NFIX: variants seen among roughly 807,000 people sequenced by gnomAD.
The protein encoded by NFIX is nuclear factor 1 X-type.
A neutral mutation model predicts 53.3 loss-of-function variants in NFIX; 2 were observed. The observed-to-expected ratio is 0.04, with a 90% CI of 0.02 to 0.12. The LOEUF is 0.12. NFIX is among the 10% of genes least tolerant of loss of function. The pLI, the probability that NFIX is intolerant of heterozygous loss-of-function variation, is 1.00. For missense variants in NFIX, 310 were observed against 674.5 expected, an observed-to-expected ratio of 0.46 and a Z score of 5.99; for synonymous variants, 244 against 289.0, an observed-to-expected ratio of 0.84 and a Z score of 1.58.
intron 8 of NFIX, among the ~76,000 whole-genome samples, chr19:13,083,646 C>G (rs2017603250): frequency 6.6e-6 from 1 of 152,172 alleles, no homozygotes; most frequent in Non-Finnish European, 1.5e-5. Flanking sequence ...ACACCGCAAA[C>G]AGGCACCTTG....
rs1474278823 is a variant in NFIX at position 13,014,169 on chromosome 19, G to A, written c.28-10852G>A. Reference sequence around the variant, plus strand: ...GGCGGAAAGCGCGCTTTTCGGCAGAGCTGGTTAGTTTTTAATGCGGGCTTT... The same window carrying A: ...GGCGGAAAGCGCGCTTTTCGGCAGAACTGGTTAGTTTTTAATGCGGGCTTT... On this transcript the variant is annotated intron_variant, in intron 1 of 10. Coordinates refer to ENST00000592199, the MANE Select transcript of NFIX (RefSeq NM_001365902.3). This position sits in a 1 kb window ranked among gnomAD's most constrained non-coding sequence, Gnocchi z 4.4. 6.6e-6 allele frequency: 1 copy of A among 152,192 alleles called. No individual in the cohort carries two copies. Among genetic ancestry groups the A allele is most frequent in the Non-Finnish European group, 1.5e-5 (1 of 68,046 alleles). 9.4% of individuals were successfully genotyped at this position (152,192 alleles called of 1,614,324 possible). A position where few individuals can be genotyped will look rare whatever the true frequency, so the allele number is the denominator to read the frequency against.
rs1198871470 is a variant in NFIX, at chr19:13,036,486, C to T, written c.559+10934C>T. On this transcript the variant is annotated intron_variant, in intron 2 of 10. Transcript: ENST00000592199. This position sits in a 1 kb window ranked among gnomAD's most constrained non-coding sequence, Gnocchi z 4.7. ...GTCTGCCAGTCTGGAGAAGGCTGCT[C>T]TCCAGACAGCTGAGAGTAGGGTGAC... Among the ~76,000 whole-genome samples the T allele has an allele frequency of 1.3e-5, 2 of 152,080 alleles. No homozygotes were observed. The highest frequency in any genetic ancestry group is 2.9e-5 in the Non-Finnish European group (2 of 68,024).
rs148891388 is a variant in NFIX at position 13,083,280 on chromosome 19, C to T, written c.1254+1425C>T. Among the ~76,000 whole-genome samples, 535 of 152,298 alleles carry T rather than the reference C, an allele frequency of 3.5e-3. 2 individuals are homozygous for T. The highest frequency in any genetic ancestry group is 0.017 in the Middle Eastern group (5 of 294). On this transcript the variant is annotated intron_variant, in intron 8 of 10. Coordinates refer to ENST00000592199, the MANE Select transcript of NFIX (RefSeq NM_001365902.3). The stretch of plus-strand genomic sequence containing the variant: ...AGCCTATGCCCAGCCCCCAAGGGGC[C>T]TGGGGTCTGGGATATGCCGCAGAGA...
At position 13,022,716 on chromosome 19, in the gene NFIX, C is replaced by T. The variant is rs927672441; in HGVS notation, c.28-2305C>T. Among the ~76,000 whole-genome samples the T allele has an allele frequency of 4.6e-5, 7 of 152,112 alleles. No individual in the cohort carries two copies. Among genetic ancestry groups the T allele is most frequent in the African/African-American group, 1.2e-4 (5 of 41,424 alleles). The stretch of plus-strand genomic sequence containing the variant: ...CTTCCCCAAGGCCTTCTGGGGCTCC[C>T]GCCCGCCAGCCCGCCGGGAGTCAGG... On this transcript the variant is annotated intron_variant, in intron 1 of 10. Coordinates refer to ENST00000592199, the MANE Select transcript of NFIX (RefSeq NM_001365902.3). The surrounding 1 kb of genome is among the most constrained non-coding windows in gnomAD (Gnocchi z 4.5).
At position 13,002,642 on chromosome 19, in the gene NFIX, G is replaced by A. The variant is rs544883778; in HGVS notation, c.27+6778G>A. Among the ~76,000 whole-genome samples, 10 of 152,316 alleles carry A rather than the reference G, an allele frequency of 6.6e-5. No individual in the cohort carries two copies. Among genetic ancestry groups the A allele is most frequent in the South Asian group, 4.1e-4 (2 of 4,830 alleles). On this transcript the variant is annotated intron_variant, in intron 1 of 10. Coordinates refer to ENST00000592199, the MANE Select transcript of NFIX (RefSeq NM_001365902.3). This position sits in a 1 kb window ranked among gnomAD's most constrained non-coding sequence, Gnocchi z 6.1. ...TGGGGCTGGCAGGCCTCTGTGAGGCGCAGCTGTGCCCAGAACTCCAAGTTG... is the reference window on the plus strand; with the variant it reads ...TGGGGCTGGCAGGCCTCTGTGAGGCACAGCTGTGCCCAGAACTCCAAGTTG...
Position 13,060,025 on chromosome 19 carries a change from C to T in NFIX, c.560-13022C>T, listed in dbSNP as rs1568302936. On this transcript the variant is annotated intron_variant, in intron 2 of 10. Coordinates refer to ENST00000592199, the MANE Select transcript of NFIX (RefSeq NM_001365902.3). This position sits in a 1 kb window ranked among gnomAD's most constrained non-coding sequence, Gnocchi z 4.3. ...GTGGTCTCGAACTCCTGAGCTCAGGCGATCCACTCGCCTCAGCCTCTCAAA... is the reference window on the plus strand; with the variant it reads ...GTGGTCTCGAACTCCTGAGCTCAGGTGATCCACTCGCCTCAGCCTCTCAAA... Among the ~76,000 whole-genome samples the T allele has an allele frequency of 6.6e-6, 1 of 152,010 alleles. No homozygotes were observed. The highest frequency in any genetic ancestry group is 1.9e-4 in the East Asian group (1 of 5,182).
In NFIX at chr19:13,081,962, G is replaced by T; in HGVS notation, c.1254+107G>T. On this transcript the variant is annotated intron_variant, in intron 8 of 10. Coordinates refer to ENST00000592199, the MANE Select transcript of NFIX (RefSeq NM_001365902.3). This position sits in a 1 kb window ranked among gnomAD's most constrained non-coding sequence, Gnocchi z 4.7. ...GCCCAAAAGCCAGGAGCCCACCTGG[G>T]GCTGGAGCAGCAGGGAGCTGGTAGT... 7.4e-7 allele frequency: 1 copy of T among 1,351,526 alleles called. No homozygotes were observed. Among genetic ancestry groups the T allele is most frequent in the Non-Finnish European group, 1.0e-6 (1 of 978,374 alleles). 83.7% of individuals were successfully genotyped at this position (1,351,526 alleles called of 1,614,324 possible).
Position 13,089,546 on chromosome 19 carries a change from A to G in NFIX, c.1403-753A>G, listed in dbSNP as rs1267718299. ...GGTCCTGGAACCACAGGCCTGTTGG[A>G]CCTGGTGCATCAGTCAGAGGAGGAG... On this transcript the variant is annotated intron_variant, in intron 9 of 10. Transcript: ENST00000592199. The surrounding 1 kb of genome is among the most constrained non-coding windows in gnomAD (Gnocchi z 4.8). Among the ~76,000 whole-genome samples the G allele has an allele frequency of 6.6e-6, 1 of 152,076 alleles. No homozygotes were observed. Among genetic ancestry groups the G allele is most frequent in the Non-Finnish European group, 1.5e-5 (1 of 67,998 alleles).
Position 13,011,488 on chromosome 19 carries a change from C to G in NFIX, c.28-13533C>G, listed in dbSNP as rs1189102409. 6.6e-6 allele frequency among the ~76,000 whole-genome samples: 1 copy of G among 150,794 alleles called. No homozygotes were observed. Among genetic ancestry groups the G allele is most frequent in the African/African-American group, 2.4e-5 (1 of 41,204 alleles). The stretch of plus-strand genomic sequence containing the variant: ...GTGGAGGCGAGTTCCCTGCGCGCAT[C>G]ATGGACTTCAGGAGTGAGGGTGGGT... On this transcript the variant is annotated intron_variant, in intron 1 of 10. Coordinates refer to ENST00000592199, the MANE Select transcript of NFIX (RefSeq NM_001365902.3). This position sits in a 1 kb window ranked among gnomAD's most constrained non-coding sequence, Gnocchi z 6.5.
Position 13,005,314 on chromosome 19 carries a change from G to A in NFIX, c.27+9450G>A, listed in dbSNP as rs950438348. Among the ~76,000 whole-genome samples the A allele has an allele frequency of 1.3e-5, 2 of 152,232 alleles. No individual in the cohort carries two copies. The highest frequency in any genetic ancestry group is 2.4e-5 in the African/African-American group (1 of 41,444). ...CTAATGTGAACTGTGTGCTTGCTGCGTTGCACCCTTGCTAAGTGCCTTCCC... is the reference window on the plus strand; with the variant it reads ...CTAATGTGAACTGTGTGCTTGCTGCATTGCACCCTTGCTAAGTGCCTTCCC... On this transcript the variant is annotated intron_variant, in intron 1 of 10. Coordinates refer to ENST00000592199, the MANE Select transcript of NFIX (RefSeq NM_001365902.3). This position sits in a 1 kb window ranked among gnomAD's most constrained non-coding sequence, Gnocchi z 4.7.
chr19:13,015,031 C>T (rs1030234265), intron 1 of NFIX, among the ~76,000 whole-genome samples: 1 of 152,148 alleles, frequency 6.6e-6, no homozygotes, highest in Non-Finnish European at 1.5e-5. Context: ...GGTTAGTGCC[C>T]ACAGGCGCTA....
rs900176745 is a variant in NFIX, at chr19:13,021,374, T to C, written c.28-3647T>C. On this transcript the variant is annotated intron_variant, in intron 1 of 10. Transcript: ENST00000592199. The surrounding 1 kb of genome is among the most constrained non-coding windows in gnomAD (Gnocchi z 4.2). ...AGGGCACAGACTGGGGTCCCAGGTGTTGGGCAGCCCCTCTCCCATTGTCAG... is the reference window on the plus strand; with the variant it reads ...AGGGCACAGACTGGGGTCCCAGGTGCTGGGCAGCCCCTCTCCCATTGTCAG... Among the ~76,000 whole-genome samples the C allele has an allele frequency of 6.6e-6, 1 of 152,116 alleles. No individual in the cohort carries two copies. Among genetic ancestry groups the C allele is most frequent in the African/African-American group, 2.4e-5 (1 of 41,430 alleles).
In NFIX at chr19:13,013,682, ACTT is replaced by A. The variant is rs765552128; in HGVS notation, c.28-11335_28-11333del. The A allele has an allele frequency of 2.7e-5, 4 of 149,714 alleles. No individual in the cohort carries two copies. Among genetic ancestry groups the A allele is most frequent in the Non-Finnish European group, 4.4e-5 (3 of 67,596 alleles). The allele number at this position is 149,714 out of a possible 1,614,324, so 9.3% of individuals were successfully genotyped here. A position where few individuals can be genotyped will look rare whatever the true frequency, so the allele number is the denominator to read the frequency against. On this transcript the variant is annotated intron_variant, in intron 1 of 10. Transcript: ENST00000592199. This position sits in a 1 kb window ranked among gnomAD's most constrained non-coding sequence, Gnocchi z 5.9. The stretch of plus-strand genomic sequence containing the variant: ...TTTTTTAATTTAAAGGAGTTTTATT[ACTT>A]CTTTTTTTTTTATAAAGCATGTGAG...
intron 2 of NFIX, among the ~76,000 whole-genome samples, chr19:13,033,737 A>G (rs568804265): frequency 4.9e-4 from 74 of 152,312 alleles, no homozygotes; most frequent in African/African-American, 1.7e-3. Context: ...TCTAGTTTTA[A>G]GCCTGTGCTC....
At position 13,089,010 on chromosome 19, in the gene NFIX, C is replaced by T. The variant is rs2017975874; in HGVS notation, c.1402+874C>T. Among the ~76,000 whole-genome samples the T allele has an allele frequency of 6.6e-6, 1 of 151,942 alleles. No homozygotes were observed. Among genetic ancestry groups the T allele is most frequent in the Non-Finnish European group, 1.5e-5 (1 of 67,966 alleles). Reference sequence around the variant, plus strand: ...GGCAGCTCTGGGGGTGGGCAGGCCACAGGCCAGGGCAGTTCGGTGGCGGTG... The same window carrying T: ...GGCAGCTCTGGGGGTGGGCAGGCCATAGGCCAGGGCAGTTCGGTGGCGGTG... On this transcript the variant is annotated intron_variant, in intron 9 of 10. Coordinates refer to ENST00000592199, the MANE Select transcript of NFIX (RefSeq NM_001365902.3). This position sits in a 1 kb window ranked among gnomAD's most constrained non-coding sequence, Gnocchi z 4.8.
rs890948602 is a variant in NFIX, at chr19:13,066,164, T to C, written c.560-6883T>C. On this transcript the variant is annotated intron_variant, in intron 2 of 10. Transcript: ENST00000592199. The surrounding 1 kb of genome is among the most constrained non-coding windows in gnomAD (Gnocchi z 4.2). ...GCTGATGGACTTGCTTTCTCCTCGC[T>C]TCCCGAAGCCTTACTGCCGAGCTGT... 2.0e-5 allele frequency among the ~76,000 whole-genome samples: 3 copies of C among 152,170 alleles called. No individual in the cohort carries two copies. The highest frequency in any genetic ancestry group is 4.4e-5 in the Non-Finnish European group (3 of 68,008).
intron 2 of NFIX, among the ~76,000 whole-genome samples, chr19:13,035,400 C>G (rs1412426091): frequency 6.6e-6 from 1 of 152,146 alleles, no homozygotes; most frequent in Admixed American, 6.6e-5. Flanking sequence ...GCATAGTGGT[C>G]TCTGTGTGCT....
intron 2 of NFIX, among the ~76,000 whole-genome samples, chr19:13,030,950 C>T (rs945335455): frequency 2.0e-5 from 3 of 152,218 alleles, no homozygotes; most frequent in African/African-American, 7.2e-5. Flanking sequence ...CTGGCCCTGG[C>T]CACCTTTGTT....
chr19:12,996,036 C>T lies in NFIX; in HGVS notation c.27+172C>T, dbSNP rs1011083802. On this transcript the variant is annotated intron_variant, in intron 1 of 10. Transcript: ENST00000592199. The surrounding 1 kb of genome is among the most constrained non-coding windows in gnomAD (Gnocchi z 5.2). ...AGCCCAGGCACGCGTGCGGGCGTCACCGTGCGCGTGCGACCCTGGCCACCG... is the reference window on the plus strand; with the variant it reads ...AGCCCAGGCACGCGTGCGGGCGTCATCGTGCGCGTGCGACCCTGGCCACCG... Among the ~76,000 whole-genome samples, 4 of 151,092 alleles carry T rather than the reference C, an allele frequency of 2.6e-5. No homozygotes were observed. Among genetic ancestry groups the T allele is most frequent in the African/African-American group, 9.7e-5 (4 of 41,236 alleles).
Sources: gnomAD v4.1 joint callset for allele counts (sites outside exome capture counted in the v4.1 genomes callset) on GRCh38, gnomAD v4.1.1 for gene constraint, Gnocchi (gnomAD v3.1) non-coding constraint, MANE v1.5 for transcripts, NCBI Gene and HGNC (gene_info 2026-07-23, HGNC 2026-07-21) for gene names.